LINGO2: variants seen among roughly 807,000 people sequenced by gnomAD.
LINGO2 encodes the protein leucine-rich repeat and immunoglobulin-like domain-containing nogo receptor-interacting protein 2.
A neutral mutation model predicts 30.6 loss-of-function variants in LINGO2; 14 were observed. That is an observed-to-expected ratio of 0.46 (90% confidence interval 0.30 to 0.72). The LOEUF (loss-of-function observed/expected upper bound fraction) is 0.72. Ranked by LOEUF, LINGO2 falls within the 30% of genes least tolerant of loss-of-function variation. LINGO2 has a pLI of 0.07. For missense variants in LINGO2, 729 were observed against 751.7 expected (o/e 0.97, Z 0.35); for synonymous variants, 317 against 288.5 (o/e 1.10, Z -1.00).
intron 3 of LINGO2, among the ~76,000 whole-genome samples, chr9:28,348,354 G>C (rs1819679098): frequency 1.3e-5 from 2 of 152,168 alleles, no homozygotes; most frequent in Admixed American, 1.3e-4. Context: ...AGGGGTCAGA[G>C]AGTTCCCTTT....
the LINGO2 span, among the ~76,000 whole-genome samples, chr9:28,748,192 A>T: frequency 2.0e-5 from 3 of 152,038 alleles, no homozygotes; most frequent in Non-Finnish European, 4.4e-5. Flanking sequence ...CAACAACAAC[A>T]AAAAAGAAGT....
chr9:28,087,141 C>T (rs1190503876), intron 4 of LINGO2, among the ~76,000 whole-genome samples: 2 of 151,992 alleles, frequency 1.3e-5, no homozygotes, highest in Non-Finnish European at 2.9e-5. Flanking sequence ...CTGAGGCCAT[C>T]CCAGACCAGT....
chr9:28,495,045 G>A (rs565071789), intron 1 of LINGO2, among the ~76,000 whole-genome samples: 46 of 152,248 alleles, frequency 3.0e-4, no homozygotes, highest in South Asian at 6.2e-4. Context: ...CATATCCTTC[G>A]CCCACTTTTT....
intron 1 of LINGO2, among the ~76,000 whole-genome samples, chr9:28,492,382 T>C (rs1826433782): frequency 6.6e-6 from 1 of 152,206 alleles, no homozygotes; most frequent in Admixed American, 6.6e-5. Flanking sequence ...TATGCTAGCC[T>C]GTAGCGAATT....
chr9:28,400,099 G>C (rs1459755402), intron 2 of LINGO2, among the ~76,000 whole-genome samples: 1 of 152,136 alleles, frequency 6.6e-6, no homozygotes, highest in East Asian at 1.9e-4. Flanking sequence ...AATGCAATGG[G>C]GGTGTCTGAA....
At chr9:28,388,798 A>C (rs940377160) in intron 2 of LINGO2, among the ~76,000 whole-genome samples, 1 of 152,192 alleles carries the variant, frequency 6.6e-6, no homozygotes. Flanking sequence ...GAACTAAATC[A>C]GATATAATTT....
intron 1 of LINGO2, among the ~76,000 whole-genome samples, chr9:28,639,549 G>A (rs934585118): frequency 1.3e-5 from 2 of 152,142 alleles, no homozygotes; most frequent in Non-Finnish European, 2.9e-5. Context: ...TCTTCTTGTT[G>A]AACTGATCCC....
intron 3 of LINGO2, among the ~76,000 whole-genome samples, chr9:28,334,130 C>A (rs1825512036): frequency 6.6e-6 from 1 of 152,010 alleles, no homozygotes; most frequent in Admixed American, 6.6e-5. Context: ...AGTAGCTTCC[C>A]TGGTGGGTGA....
At chr9:28,908,999 C>A in the LINGO2 span, among the ~76,000 whole-genome samples, 1 of 151,756 alleles carries the variant, frequency 6.6e-6, no homozygotes, top group Non-Finnish European at 1.5e-5. Flanking sequence ...GGTTGCTTTC[C>A]TTTAGAAAAG....
chr9:27,954,330 C>T lies in LINGO2; in HGVS notation c.-35-3624G>A, dbSNP rs75268684. Among the ~76,000 whole-genome samples, 655 of 152,232 alleles carry T rather than the reference C, an allele frequency of 4.3e-3. 1 individual carries two copies. Among genetic ancestry groups the T allele is most frequent in the African/African-American group, 0.014 (596 of 41,548 alleles). ...CGTTGGTATCCATTAACAAACCTCTCTTCATCTCCTCCCTTGATCTTGGCC... is the reference window on the plus strand; with the variant it reads ...CGTTGGTATCCATTAACAAACCTCTTTTCATCTCCTCCCTTGATCTTGGCC... On this transcript the variant is annotated intron_variant, in intron 5 of 5. Coordinates refer to ENST00000379992, the Ensembl canonical transcript of LINGO2.
At chr9:28,520,256 T>C (rs560071302) in intron 1 of LINGO2, among the ~76,000 whole-genome samples, 34 of 152,240 alleles carry the variant, frequency 2.2e-4, no homozygotes, top group African/African-American at 2.2e-4. Flanking sequence ...ACTTTAAGAG[T>C]ACTTCTAAAA....
chr9:28,392,363 G>T (rs181199858), intron 2 of LINGO2, among the ~76,000 whole-genome samples: 2 of 152,122 alleles, frequency 1.3e-5, no homozygotes, highest in East Asian at 3.9e-4. Context: ...TTTGGAGTCG[G>T]GCATGCCTAG....
the LINGO2 span, among the ~76,000 whole-genome samples, chr9:29,097,043 C>G: frequency 1.5e-5 from 2 of 137,776 alleles, 1 homozygote; most frequent in African/African-American, 5.4e-5. Flanking sequence ...CTGCAAATTC[C>G]CAAGATAGCA....
the LINGO2 span, among the ~76,000 whole-genome samples, chr9:28,804,069 T>A: frequency 2.0e-5 from 3 of 152,090 alleles, no homozygotes; most frequent in African/African-American, 2.4e-5. Context: ...AATTATAGTT[T>A]AGAGAACTGG....
At chr9:27,949,326 C>A in exon 6 of LINGO2, 1 of 1,614,096 alleles carries the variant, frequency 6.2e-7, no homozygotes, top group South Asian at 1.1e-5. Context: ...GATGAAACGC[C>A]TTCGGGGTGT....
At chr9:28,140,118 T>G (rs1827631651) in intron 4 of LINGO2, among the ~76,000 whole-genome samples, 1 of 152,260 alleles carries the variant, frequency 6.6e-6, no homozygotes, top group Non-Finnish European at 1.5e-5. Flanking sequence ...CTTAAAGACC[T>G]AAATAGTTGG....
chr9:29,085,497 C>A, the LINGO2 span, among the ~76,000 whole-genome samples: 1 of 151,610 alleles, frequency 6.6e-6, no homozygotes, highest in East Asian at 1.9e-4. Flanking sequence ...TCCAATTATT[C>A]GAAAAGAAAA....
At chr9:28,833,271 C>T in the LINGO2 span, among the ~76,000 whole-genome samples, 1 of 152,092 alleles carries the variant, frequency 6.6e-6, no homozygotes, top group African/African-American at 2.4e-5. Flanking sequence ...GGTTCTTAAT[C>T]GTAGAATGTG....
intron 2 of LINGO2, among the ~76,000 whole-genome samples, chr9:28,404,649 T>C (rs1822419027): frequency 6.6e-6 from 1 of 152,194 alleles, no homozygotes; most frequent in Non-Finnish European, 1.5e-5. Context: ...CCCTGGAATA[T>C]TTCTTTTGAC....
Sources: gnomAD v4.1 joint callset for allele counts (sites outside exome capture counted in the v4.1 genomes callset) on GRCh38, gnomAD v4.1.1 for gene constraint, MANE v1.5 for transcripts, NCBI Gene and HGNC (gene_info 2026-07-23, HGNC 2026-07-21) for gene names.